Variants in RNF220 observed in about 807,000 individuals in gnomAD.
RNF220 encodes the protein ring finger protein 220.
In RNF220, 7 loss-of-function variants were observed where a neutral mutation model predicts 67.1. The ratio of observed to expected loss-of-function variants is 0.10; its 90% CI spans 0.06 to 0.20. RNF220 has a LOEUF of 0.20. Among genes scored for constraint, RNF220 ranks in the 10% least tolerant of loss-of-function variants. The pLI is 1.00. For missense variants in RNF220, 565 were observed against 740.3 expected (o/e 0.76, Z 2.75); for synonymous variants, 270 against 283.2 (o/e 0.95, Z 0.47).
intron 2 of RNF220, among the ~76,000 whole-genome samples, chr1:44,516,469 G>A (rs1453584862): frequency 6.6e-6 from 1 of 152,198 alleles, no homozygotes; most frequent in Admixed American, 6.5e-5. Context: ...ATGATAGTTG[G>A]ATGCATGAAT....
intron 3 of RNF220, 128 bp downstream of exon 3, chr1:44,614,425 C>T: frequency 1.0e-6 from 1 of 987,132 alleles, no homozygotes; most frequent in Admixed American, 2.6e-5. Context: ...TGCCACCCTT[C>T]TCCACAACTC....
At chr1:44,456,133 A>G (rs1653148792) in intron 2 of RNF220, among the ~76,000 whole-genome samples, 1 of 152,248 alleles carries the variant, frequency 6.6e-6, no homozygotes, top group Non-Finnish European at 1.5e-5. Flanking sequence ...GCCATTGGGT[A>G]ATCCAAGCCA....
chr1:44,416,993 G>C (rs1648604601), intron 2 of RNF220, among the ~76,000 whole-genome samples: 1 of 152,180 alleles, frequency 6.6e-6, no homozygotes, highest in African/African-American at 2.4e-5. Context: ...AATGGGGAGG[G>C]CTGGGGTGAG....
At chr1:44,589,353 G>A (rs987774455) in intron 2 of RNF220, among the ~76,000 whole-genome samples, 3 of 152,150 alleles carry the variant, frequency 2.0e-5, no homozygotes, top group East Asian at 1.9e-4. Flanking sequence ...GGTGGCTCAC[G>A]CCTGTAATCC....
chr1:44,484,561 C>T (rs1475992346), intron 2 of RNF220, among the ~76,000 whole-genome samples: 1 of 152,104 alleles, frequency 6.6e-6, no homozygotes, highest in East Asian at 1.9e-4. Context: ...GGTGGGAGGA[C>T]TGGCAGAGGC....
At position 44,632,400 on chromosome 1, in the gene RNF220, G is replaced by GCCCCAGCCCCCCCCCCC; in HGVS notation, c.949+19_949+20insAGCCCCCCCCCCCCCCC. 1.2e-6 allele frequency: 2 copies of GCCCCAGCCCCCCCCCCC among 1,607,450 alleles called. No homozygotes were observed. The highest frequency in any genetic ancestry group is 1.7e-6 in the Non-Finnish European group (2 of 1,177,490). ...CCGACTGAATGGTGAGTCCTGCCCG[G>GCCCCAGCCCCCCCCCCC]CCCCTCCCTCCGCCCCACCCCCGGC... On this transcript the variant is annotated intron_variant, in intron 6 of 14. Transcript: ENST00000361799.
Position 44,644,814 on chromosome 1 carries a change from G to C in RNF220, c.1223+20G>C. On this transcript the variant is annotated intron_variant, in intron 9 of 14. Coordinates refer to ENST00000361799, the MANE Select transcript of RNF220 (RefSeq NM_018150.4). Reference sequence around the variant, plus strand: ...GCCACAGTATCCTTGGAGCACTATGGGGGCTGGTGGGGCTGATAGGGCAGG... The same window carrying C: ...GCCACAGTATCCTTGGAGCACTATGCGGGCTGGTGGGGCTGATAGGGCAGG... The C allele has an allele frequency of 1.3e-6, 2 of 1,590,132 alleles. No homozygotes were observed. Among genetic ancestry groups the C allele is most frequent in the East Asian group, 2.2e-5 (1 of 44,760 alleles).
At chr1:44,550,614 G>C (rs1435807077) in intron 2 of RNF220, among the ~76,000 whole-genome samples, 2 of 152,162 alleles carry the variant, frequency 1.3e-5, no homozygotes, top group Non-Finnish European at 2.9e-5. Flanking sequence ...TTACGAGTAG[G>C]AACCTCTCTA....
chr1:44,631,651 C>A (rs1357093988), intron 5 of RNF220: 1 of 153,370 alleles, frequency 6.5e-6, no homozygotes. Flanking sequence ...GACGCCTTGT[C>A]CCCTGTAAAG....
At chr1:44,512,887 AGC>A (rs1659134693) in intron 2 of RNF220, among the ~76,000 whole-genome samples, 1 of 152,184 alleles carries the variant, frequency 6.6e-6, no homozygotes, top group South Asian at 2.1e-4. Context: ...CTCCTGGAGC[AGC>A]CAGTTGACCT....
In RNF220 at chr1:44,632,319, C is replaced by A. The variant is rs199845330; in HGVS notation, c.907-24C>A. On this transcript the variant is annotated intron_variant, in intron 5 of 14. Coordinates refer to ENST00000361799, the MANE Select transcript of RNF220 (RefSeq NM_018150.4). ...CCTGACGCTCTCTTTTCTTTTCTTG[C>A]ATCTGCCCGCGATCTTCTCCCAGAC... 1.0e-3 allele frequency: 1,625 copies of A among 1,614,134 alleles called. 1 individual carries two copies. The highest frequency in any genetic ancestry group is 1.5e-3 in the Admixed American group (91 of 60,030).
chr1:44,415,564 T>C (rs1217569782), intron 2 of RNF220, among the ~76,000 whole-genome samples: 2 of 151,976 alleles, frequency 1.3e-5, no homozygotes, highest in African/African-American at 4.8e-5. Flanking sequence ...AAATTTAGAG[T>C]TAATTGCTGA....
chr1:44,585,277 C>G (rs567871748), intron 2 of RNF220, among the ~76,000 whole-genome samples: 91 of 152,284 alleles, frequency 6.0e-4, no homozygotes, highest in African/African-American at 2.0e-3. Context: ...ATCCCATTTC[C>G]TCATGTCCGT....
chr1:44,528,958 G>A (rs185868038), intron 2 of RNF220, among the ~76,000 whole-genome samples: 1 of 152,328 alleles, frequency 6.6e-6, no homozygotes, highest in Admixed American at 6.5e-5. Flanking sequence ...GCTAATAAGG[G>A]TAGAGTTAGG....
At chr1:44,441,549 T>A (rs1651555294) in intron 2 of RNF220, among the ~76,000 whole-genome samples, 2 of 152,126 alleles carry the variant, frequency 1.3e-5, no homozygotes, top group South Asian at 2.1e-4. Flanking sequence ...GCCTTGGAGA[T>A]GAGCAATATT....
chr1:44,458,677 G>T (rs181254999), intron 2 of RNF220, among the ~76,000 whole-genome samples: 1 of 152,160 alleles, frequency 6.6e-6, no homozygotes, highest in Non-Finnish European at 1.5e-5. Context: ...AGAAACAACA[G>T]TTCTCTTTCT....
Position 44,624,937 on chromosome 1 carries a change from C to T in RNF220, c.805-1360C>T, listed in dbSNP as rs1444690030. 6.6e-6 allele frequency among the ~76,000 whole-genome samples: 1 copy of T among 151,856 alleles called. No homozygotes were observed. Among genetic ancestry groups the T allele is most frequent in the Non-Finnish European group, 1.5e-5 (1 of 67,972 alleles). On this transcript the variant is annotated intron_variant, in intron 4 of 14. Transcript: ENST00000361799. This position sits in a 1 kb window ranked among gnomAD's most constrained non-coding sequence, Gnocchi z 4.2. ...AAACACATTTTACTGCTTTTTGGTC[C>T]ATGTTTAAAAAGCACCAGTGACCTT...
chr1:44,446,782 C>T (rs1652146497), intron 2 of RNF220, among the ~76,000 whole-genome samples: 1 of 152,152 alleles, frequency 6.6e-6, no homozygotes, highest in Admixed American at 6.5e-5. Context: ...TGATCTCAAA[C>T]TCCTGACCTC....
chr1:44,631,021 G>A (rs1031526045), intron 5 of RNF220, among the ~76,000 whole-genome samples: 1 of 152,206 alleles, frequency 6.6e-6, no homozygotes, highest in Non-Finnish European at 1.5e-5. Flanking sequence ...TGCAAATTTC[G>A]AGAGCTCGTA....
Sources: allele counts gnomAD v4.1 joint callset (sites outside exome capture counted in the v4.1 genomes callset), GRCh38; gene constraint gnomAD v4.1.1; non-coding constraint Gnocchi (gnomAD v3.1); transcripts MANE v1.5; gene names NCBI Gene and HGNC (gene_info 2026-07-23, HGNC 2026-07-21).